OSBPL6: variants seen among roughly 807,000 people sequenced by gnomAD.
OSBPL6 encodes the protein oxysterol binding protein like 6.
OSBPL6 carries 49 observed loss-of-function variants against 125.8 expected under a neutral mutation model. That is an observed-to-expected ratio of 0.39 (90% CI 0.31 to 0.49). The LOEUF (loss-of-function observed/expected upper bound fraction) is 0.49, where lower values mean the gene tolerates loss of function less well. Among genes scored for constraint, OSBPL6 ranks in the 20% least tolerant of loss-of-function variants. The pLI is 0.88. For synonymous variants in OSBPL6, 394 were observed against 391.8 expected (o/e 1.01, Z -0.07); for missense variants, 986 against 1,135.4 (o/e 0.87, Z 1.89).
chr2:178,239,154 A>G (rs146002193), intron 1 of OSBPL6, among the ~76,000 whole-genome samples: 1 of 152,334 alleles, frequency 6.6e-6, no homozygotes, highest in Non-Finnish European at 1.5e-5. Context: ...TGTATACTAC[A>G]TCAGTAAAAA....
At chr2:178,242,935 A>G (rs2091347843) in intron 1 of OSBPL6, among the ~76,000 whole-genome samples, 1 of 151,886 alleles carries the variant, frequency 6.6e-6, no homozygotes, top group Non-Finnish European at 1.5e-5. Flanking sequence ...ATGCAGCCAT[A>G]TTTTTTTCTT....
intron 1 of OSBPL6, among the ~76,000 whole-genome samples, chr2:178,206,872 C>G (rs1446566607): frequency 6.6e-6 from 1 of 152,176 alleles, no homozygotes; most frequent in East Asian, 1.9e-4. Flanking sequence ...ACCTCAGCCT[C>G]CCAAAGTGCT....
At chr2:178,285,333 A>C (rs1684595859) in intron 2 of OSBPL6, among the ~76,000 whole-genome samples, 1 of 152,166 alleles carries the variant, frequency 6.6e-6, no homozygotes, top group Non-Finnish European at 1.5e-5. Context: ...AAATGTGAAA[A>C]TATTTGGTAA....
At chr2:178,329,563 C>T (rs1048852430) in intron 5 of OSBPL6, among the ~76,000 whole-genome samples, 3 of 151,784 alleles carry the variant, frequency 2.0e-5, no homozygotes, top group Non-Finnish European at 4.4e-5. Flanking sequence ...GGACTACAGG[C>T]GCACGCCACC....
chr2:178,210,812 C>CAAA (rs753869824), intron 1 of OSBPL6, among the ~76,000 whole-genome samples: 1 of 134,770 alleles, frequency 7.4e-6, no homozygotes, highest in Non-Finnish European at 1.6e-5. Flanking sequence ...GACAATGTTT[C>CAAA]AAAAAAAAAA....
chr2:178,204,762 T>A (rs951463616), intron 1 of OSBPL6, among the ~76,000 whole-genome samples: 1 of 152,130 alleles, frequency 6.6e-6, no homozygotes, highest in Admixed American at 6.6e-5. Flanking sequence ...ACATAGCCAG[T>A]GCGGTGAAGA....
intron 1 of OSBPL6, among the ~76,000 whole-genome samples, chr2:178,266,929 C>A (rs1271761744): frequency 2.0e-5 from 3 of 152,156 alleles, no homozygotes; most frequent in African/African-American, 7.2e-5. Context: ...CTGGAACTCT[C>A]TGTGTCATTC....
chr2:178,337,193 C>A (rs12618595), intron 9 of OSBPL6, among the ~76,000 whole-genome samples: 11,574 of 152,080 alleles, frequency 0.076, 674 homozygotes, highest in East Asian at 0.26. Context: ...CTGTTTAATA[C>A]GGCTCAATTA....
intron 1 of OSBPL6, among the ~76,000 whole-genome samples, chr2:178,281,336 A>G (rs1684153939): frequency 6.6e-6 from 1 of 151,936 alleles, no homozygotes; most frequent in South Asian, 2.1e-4. Flanking sequence ...TCCTCATGAA[A>G]TCTTTGCCTT....
chr2:178,256,045 G>C (rs181443567), intron 1 of OSBPL6, among the ~76,000 whole-genome samples: 290 of 152,232 alleles, frequency 1.9e-3, no homozygotes, highest in Non-Finnish European at 1.0e-3. Context: ...GCTCCTCTTG[G>C]GTATCTCCTC....
chr2:178,381,785 C>T (rs1694500870), intron 15 of OSBPL6, among the ~76,000 whole-genome samples: 1 of 152,346 alleles, frequency 6.6e-6, no homozygotes, highest in Middle Eastern at 3.4e-3. Flanking sequence ...GTTTTACTAA[C>T]TCTTAGGATT....
chr2:178,263,204 C>T (rs930855824), intron 1 of OSBPL6, among the ~76,000 whole-genome samples: 1 of 152,190 alleles, frequency 6.6e-6, no homozygotes, highest in Non-Finnish European at 1.5e-5. Context: ...CAAGGCCAGG[C>T]GCAGTGGCTC....
At chr2:178,320,138 G>A (rs952898812) in intron 3 of OSBPL6, 30 of 897,830 alleles carry the variant, frequency 3.3e-5, no homozygotes, top group Admixed American at 6.9e-5. Context: ...GTTTCTCTCC[G>A]CGTGAGTTGC....
chr2:178,258,359 G>A (rs1219723657), intron 1 of OSBPL6, among the ~76,000 whole-genome samples: 1 of 152,070 alleles, frequency 6.6e-6, no homozygotes, highest in Non-Finnish European at 1.5e-5. Context: ...GCCTCCCAGA[G>A]TGCTGAGATT....
chr2:178,250,967 A>G (rs1443041184), intron 1 of OSBPL6, among the ~76,000 whole-genome samples: 3 of 152,254 alleles, frequency 2.0e-5, no homozygotes, highest in Non-Finnish European at 2.9e-5. Flanking sequence ...ATAAAAAAAA[A>G]AAAAGAAAAG....
chr2:178,284,461 G>A (rs1007109493), intron 1 of OSBPL6, among the ~76,000 whole-genome samples: 15 of 152,184 alleles, frequency 9.9e-5, no homozygotes, highest in African/African-American at 3.4e-4. Flanking sequence ...GCTGAGGCAG[G>A]AGAATCACTT....
At chr2:178,358,376 G>A (rs1039894319) in intron 12 of OSBPL6, among the ~76,000 whole-genome samples, 5 of 152,268 alleles carry the variant, frequency 3.3e-5, no homozygotes, top group Admixed American at 1.3e-4. Context: ...AATCAAAATA[G>A]TATGGTATTG....
chr2:178,344,352 G>T, intron 11 of OSBPL6: 1 of 1,614,096 alleles, frequency 6.2e-7, no homozygotes, highest in Non-Finnish European at 8.5e-7. Context: ...GGCAGCAGTG[G>T]CTACAACAGT....
At chr2:178,218,312 A>G (rs2090174151) in intron 1 of OSBPL6, among the ~76,000 whole-genome samples, 1 of 152,000 alleles carries the variant, frequency 6.6e-6, no homozygotes, top group Non-Finnish European at 1.5e-5. Context: ...TCAGATGTAA[A>G]TTCAGGATAA....
Sources: gnomAD v4.1 joint callset for allele counts (sites outside exome capture counted in the v4.1 genomes callset) on GRCh38, gnomAD v4.1.1 for gene constraint, MANE v1.5 for transcripts, NCBI Gene and HGNC (gene_info 2026-07-23, HGNC 2026-07-21) for gene names.